The following CKLF variants were observed in gnomAD, a reference collection of about 807,000 sequenced individuals.
CKLF encodes chemokine like factor.
Under a neutral mutation model 12.9 loss-of-function variants are expected in CKLF, and 16 were observed. The observed-to-expected ratio is 1.24, with a 90% CI of 0.84 to 1.88. CKLF has a LOEUF of 1.88. Among genes scored for constraint, CKLF ranks in the 40% most tolerant of loss-of-function variants. The probability of loss-of-function intolerance (pLI) is 0.00; values close to 1 mark genes in which losing one functional copy is unlikely to be tolerated. For missense variants in CKLF, 172 were observed against 188.5 expected (o/e 0.91, Z 0.51); for synonymous variants, 61 against 69.0 (o/e 0.88, Z 0.57).
chr16:66,562,282 C>T (rs2144550077), intron 2 of CKLF, among the ~76,000 whole-genome samples: 1 of 152,250 alleles, frequency 6.6e-6, no homozygotes, highest in South Asian at 2.1e-4. Flanking sequence ...GACAGAGTTT[C>T]ACCATGTTGG....
rs16956673 is a variant in CKLF, at chr16:66,557,405, C to T, written c.79-785C>T. On this transcript the variant is annotated intron_variant, in intron 1 of 3. Coordinates refer to ENST00000264001, the MANE Select transcript of CKLF (RefSeq NM_016951.4). ...CTGGTCTCAAACTCTTGACCTCAGGCGATCTGCCTGCCTTGGCCTCCCAAA... is the reference window on the plus strand; with the variant it reads ...CTGGTCTCAAACTCTTGACCTCAGGTGATCTGCCTGCCTTGGCCTCCCAAA... 5.0e-3 allele frequency among the ~76,000 whole-genome samples: 766 copies of T among 152,260 alleles called. 6 individuals are homozygous for T. The highest frequency in any genetic ancestry group is 0.017 in the African/African-American group (705 of 41,562).
chr16:66,554,109 T>C (rs192672770), intron 1 of CKLF, among the ~76,000 whole-genome samples: 12 of 152,348 alleles, frequency 7.9e-5, no homozygotes, highest in African/African-American at 2.4e-4. Context: ...GGTTAGTTTT[T>C]GATATATTAA....
intron 1 of CKLF, among the ~76,000 whole-genome samples, chr16:66,557,043 G>C (rs1351570656): frequency 2.0e-5 from 3 of 151,994 alleles, no homozygotes. Flanking sequence ...AAATTTCAGA[G>C]TTTTTTATGT....
chr16:66,559,574 T>A (rs1027202755), intron 2 of CKLF, among the ~76,000 whole-genome samples: 6 of 152,214 alleles, frequency 3.9e-5, no homozygotes, highest in Non-Finnish European at 7.3e-5. Context: ...GTATAGTTGC[T>A]TTTCACACTC....
At chr16:66,562,971 C>A in intron 2 of CKLF, 151 bp from the exon 3 acceptor site, 1 of 805,878 alleles carries the variant, frequency 1.2e-6, no homozygotes, top group Non-Finnish European at 2.0e-6. Context: ...ATCTGTCTGC[C>A]TTCCAAAGTG....
rs1965859826 is a variant in CKLF at position 66,552,848 on chromosome 16, A to G, written c.78+55A>G. 8 of 1,612,770 alleles carry G rather than the reference A, an allele frequency of 5.0e-6. No homozygotes were observed. In the East Asian group the frequency reaches 1.8e-4, roughly 36 times the overall value. ...TGATGAAGCTGCTGGGGGGCGGGAGATGTGGGTGTGAAGTGCAAAGCTGAA... is the reference window on the plus strand; with the variant it reads ...TGATGAAGCTGCTGGGGGGCGGGAGGTGTGGGTGTGAAGTGCAAAGCTGAA... On this transcript the variant is annotated intron_variant, in intron 1 of 3. Transcript: ENST00000264001.
intron 2 of CKLF, 174 bp from the exon 3 acceptor site, chr16:66,562,948 C>T: frequency 2.8e-6 from 2 of 713,356 alleles, no homozygotes; most frequent in South Asian, 3.3e-5. Flanking sequence ...TCTCAAACTC[C>T]AGGCTTCAAG....
At chr16:66,566,120 TC>T, downstream of CKLF, 1 of 1,610,198 alleles carries the variant, frequency 6.2e-7, no homozygotes, top group Non-Finnish European at 8.5e-7. The surrounding 1 kb of genome is among the most constrained non-coding windows in gnomAD (Gnocchi z 4.9). Context: ...GGAAGAGATT[TC>T]CGAAGTCTGC....
chr16:66,554,456 A>G (rs1390977709), intron 1 of CKLF, among the ~76,000 whole-genome samples: 1 of 152,262 alleles, frequency 6.6e-6, no homozygotes, highest in African/African-American at 2.4e-5. Flanking sequence ...TTATTCAACA[A>G]ATAATCTGTG....
chr16:66,556,147 G>A (rs1344492688), intron 1 of CKLF, among the ~76,000 whole-genome samples: 3 of 152,046 alleles, frequency 2.0e-5, no homozygotes, highest in Non-Finnish European at 4.4e-5. Context: ...AAAAGGAGAA[G>A]AACCCACCAA....
chr16:66,562,646 G>C (rs2011812801), intron 2 of CKLF, among the ~76,000 whole-genome samples: 1 of 152,190 alleles, frequency 6.6e-6, no homozygotes, highest in Non-Finnish European at 1.5e-5. Flanking sequence ...TCATTTTACT[G>C]TGACATTTTG....
chr16:66,562,559 T>C (rs2011806103), intron 2 of CKLF, among the ~76,000 whole-genome samples: 1 of 152,216 alleles, frequency 6.6e-6, no homozygotes, highest in South Asian at 2.1e-4. Flanking sequence ...ATAAAAAGCT[T>C]TTTAAGTAAA....
chr16:66,561,757 T>C (rs996658675), intron 2 of CKLF, among the ~76,000 whole-genome samples: 4 of 152,260 alleles, frequency 2.6e-5, no homozygotes, highest in African/African-American at 7.2e-5. Context: ...TTCTTTCTAA[T>C]AACTGCTTTT....
chr16:66,560,794 A>AGT (rs1207087239), intron 2 of CKLF, among the ~76,000 whole-genome samples: 6 of 124,610 alleles, frequency 4.8e-5, no homozygotes, highest in Non-Finnish European at 9.7e-5. Flanking sequence ...CAGAAAGATA[A>AGT]GTATACACAC....
chr16:66,566,136 C>T (rs943845639), downstream of CKLF: 2 of 1,604,364 alleles, frequency 1.2e-6, no homozygotes, highest in Non-Finnish European at 1.7e-6. This position sits in a 1 kb window ranked among gnomAD's most constrained non-coding sequence, Gnocchi z 4.9. Context: ...GTCTGCACCC[C>T]GCGCAGAGCA....
Position 66,563,137 on chromosome 16 carries a change from C to A in CKLF, c.253C>A (p.Leu85Met). The A allele has an allele frequency of 6.2e-7, 1 of 1,614,070 alleles. No homozygotes were observed. Among genetic ancestry groups the A allele is most frequent in the Non-Finnish European group, 8.5e-7 (1 of 1,180,024 alleles). ...FWPLLDIINS[L>M]VTTVFMLIVS... is the part of the protein sequence containing the mutation. ...GTGTTTTTAGGATATTATCAACTCA[C>A]TGGTAACAACAGTATTCATGCTCAT... Residue 85 changes from leucine (L) to methionine (M), a missense_variant, in exon 3 of 4, where the codon CTG becomes ATG. Physicochemically the swap from Leu to Met is conservative, Grantham distance 15. Transcript: ENST00000264001.
intron 2 of CKLF, among the ~76,000 whole-genome samples, chr16:66,561,786 G>A (rs1319404040): frequency 6.6e-6 from 1 of 152,084 alleles, no homozygotes; most frequent in African/African-American, 2.4e-5. Flanking sequence ...CCAGGGTTTT[G>A]CAGTTTGCTA....
intron 3 of CKLF, among the ~76,000 whole-genome samples, chr16:66,564,680 A>T (rs8060922): frequency 3.3e-5 from 5 of 151,990 alleles, no homozygotes; most frequent in African/African-American, 1.2e-4. Context: ...CCGTGTTAAC[A>T]AGGATGGTCT....
At chr16:66,564,686 G>A (rs1713793627) in intron 3 of CKLF, among the ~76,000 whole-genome samples, 1 of 152,134 alleles carries the variant, frequency 6.6e-6, no homozygotes. Context: ...TAACAAGGAT[G>A]GTCTCGATCT....
Sources: allele counts gnomAD v4.1 joint callset (sites outside exome capture counted in the v4.1 genomes callset), GRCh38; gene constraint gnomAD v4.1.1; non-coding constraint Gnocchi (gnomAD v3.1); transcripts MANE v1.5; gene names NCBI Gene and HGNC (gene_info 2026-07-23, HGNC 2026-07-21).